SOX5: variants seen among roughly 807,000 people sequenced by gnomAD.
SOX5 encodes the protein SRY-box transcription factor 5.
Under a neutral mutation model 92.0 loss-of-function variants are expected in SOX5, and 9 were observed. That is an observed-to-expected ratio of 0.10 (90% CI 0.06 to 0.17). SOX5 has a LOEUF of 0.17. Among genes scored for constraint, SOX5 ranks in the 10% least tolerant of loss-of-function variants. The probability of loss-of-function intolerance (pLI) is 1.00; values close to 1 mark genes in which losing one functional copy is unlikely to be tolerated. For synonymous variants in SOX5, 344 were observed against 336.3 expected (o/e 1.02, Z -0.25); for missense variants, 642 against 944.5 (o/e 0.68, Z 4.20).
intron 1 of SOX5, among the ~76,000 whole-genome samples, chr12:24,490,614 G>T (rs761312928): frequency 4.6e-5 from 7 of 152,042 alleles, no homozygotes; most frequent in Admixed American, 3.9e-4. Context: ...TACATGGGCA[G>T]CTCACAGTTT....
intron 4 of SOX5, among the ~76,000 whole-genome samples, chr12:24,048,211 C>T (rs186911421): frequency 1.3e-5 from 2 of 152,254 alleles, no homozygotes; most frequent in Admixed American, 6.5e-5. Context: ...TTATAGATGG[C>T]AGAATGAAAT....
rs66878877 is a variant in SOX5, at chr12:24,266,898, CT to C, written c.-77+10317del. 6.2e-3 allele frequency among the ~76,000 whole-genome samples: 946 copies of C among 152,288 alleles called. 9 individuals carry two copies. Among genetic ancestry groups the C allele is most frequent in the African/African-American group, 0.022 (906 of 41,556 alleles). On this transcript the variant is annotated intron_variant, in intron 3 of 4. Coordinates refer to the SOX5 transcript ENST00000446891. ...GGTGATTATCACCTTTGGTGTAATG[CT>C]TTAAAAGGACTTTCAACCCTCCTCC...
At chr12:24,200,139 A>G (rs1274572105) in intron 4 of SOX5, among the ~76,000 whole-genome samples, 4 of 152,198 alleles carry the variant, frequency 2.6e-5, no homozygotes, top group Non-Finnish European at 4.4e-5. Flanking sequence ...CATATGTGTC[A>G]TAAGGCACTA....
chr12:23,743,663 T>C (rs1465853767), intron 4 of SOX5, among the ~76,000 whole-genome samples: 1 of 152,164 alleles, frequency 6.6e-6, no homozygotes, highest in East Asian at 1.9e-4. Flanking sequence ...TTATTTCACC[T>C]CAACATGCGG....
chr12:24,422,364 G>A (rs1223452072), intron 1 of SOX5, among the ~76,000 whole-genome samples: 2 of 152,158 alleles, frequency 1.3e-5, no homozygotes, highest in African/African-American at 4.8e-5. Context: ...AAAAATATGA[G>A]AAGTGATGTT....
chr12:24,017,323 G>T (rs1953744727), intron 4 of SOX5, among the ~76,000 whole-genome samples: 1 of 152,158 alleles, frequency 6.6e-6, no homozygotes, highest in Admixed American at 6.5e-5. Flanking sequence ...AACAGGTTAT[G>T]TGTGGTGGTT....
intron 1 of SOX5, among the ~76,000 whole-genome samples, chr12:24,520,726 T>C (rs1458612938): frequency 1.3e-5 from 2 of 152,016 alleles, no homozygotes; most frequent in African/African-American, 2.4e-5. Flanking sequence ...AAAAATCCAG[T>C]GATATACTCT....
intron 1 of SOX5, among the ~76,000 whole-genome samples, chr12:24,514,752 G>A (rs143162047): frequency 0.025 from 3,745 of 152,270 alleles, 53 homozygotes; most frequent in Middle Eastern, 0.044. Flanking sequence ...ATCCTTTGCA[G>A]GGACATGGAT....
At chr12:23,937,547 A>ATAG (rs1942841051) in intron 1 of SOX5, among the ~76,000 whole-genome samples, 1 of 150,978 alleles carries the variant, frequency 6.6e-6, no homozygotes, top group Non-Finnish European at 1.5e-5. Flanking sequence ...GACATGCACC[A>ATAG]TAGTATTCAG....
At chr12:24,258,746 T>C (rs955406515) in intron 3 of SOX5, among the ~76,000 whole-genome samples, 4 of 152,238 alleles carry the variant, frequency 2.6e-5, no homozygotes, top group African/African-American at 9.6e-5. Flanking sequence ...ACTAGGTGAG[T>C]GCTTTTTAGC....
At chr12:24,180,338 C>T (rs1389487783) in intron 4 of SOX5, among the ~76,000 whole-genome samples, 1 of 152,136 alleles carries the variant, frequency 6.6e-6, no homozygotes, top group African/African-American at 2.4e-5. Flanking sequence ...GGAGACCTTC[C>T]TACTGATGAG....
intron 4 of SOX5, among the ~76,000 whole-genome samples, chr12:24,054,006 G>C (rs1015416101): frequency 2.6e-5 from 4 of 152,186 alleles, no homozygotes; most frequent in Admixed American, 6.5e-5. Context: ...TCTGAGGCCT[G>C]TGTTCTTTCC....
At chr12:23,874,993 C>T (rs1013362147) in intron 2 of SOX5, among the ~76,000 whole-genome samples, 2 of 152,170 alleles carry the variant, frequency 1.3e-5, no homozygotes, top group Non-Finnish European at 2.9e-5. Context: ...TATTTTAGAA[C>T]AGTGAGGAAT....
At position 24,537,322 on chromosome 12, in the gene SOX5, G is replaced by C. The variant is rs553593118; in HGVS notation, c.-251+25007C>G. On this transcript the variant is annotated intron_variant, in intron 1 of 4. Coordinates refer to the SOX5 transcript ENST00000446891. ...CTCTGGATCCTAGCCAAATTTCATA[G>C]CTGCCTAGAGTTTTTAGCTGAGTAT... Among the ~76,000 whole-genome samples, 269 of 152,304 alleles carry C rather than the reference G, an allele frequency of 1.8e-3. 1 individual carries two copies. Among genetic ancestry groups the C allele is most frequent in the African/African-American group, 6.1e-3 (255 of 41,566 alleles).
intron 6 of SOX5, among the ~76,000 whole-genome samples, chr12:23,669,042 T>C (rs902036174): frequency 4.2e-5 from 1 of 24,062 alleles, no homozygotes; most frequent in Admixed American, 6.8e-4. Context: ...TTTCATTACA[T>C]GTCCCTATTT....
chr12:24,479,346 T>C (rs192902803), intron 1 of SOX5, among the ~76,000 whole-genome samples: 7 of 152,354 alleles, frequency 4.6e-5, no homozygotes, highest in Admixed American at 4.6e-4. Flanking sequence ...ATACATGTTT[T>C]ATCTCCTATA....
At chr12:23,765,385 CAAAAAAAA>C (rs373571301) in intron 3 of SOX5, among the ~76,000 whole-genome samples, 7 of 31,430 alleles carry the variant, frequency 2.2e-4, no homozygotes, top group South Asian at 4.9e-3. Flanking sequence ...TGTAAAACAG[CAAAAAAAA>C]AAAAAAAAAA....
At chr12:23,974,910 T>C (rs964086198) in intron 4 of SOX5, among the ~76,000 whole-genome samples, 1 of 151,946 alleles carries the variant, frequency 6.6e-6, no homozygotes, top group African/African-American at 2.4e-5. Context: ...AGGAAGAAAA[T>C]ATTCTAGATA....
At chr12:23,554,454 A>G (rs1944764097) in intron 11 of SOX5, among the ~76,000 whole-genome samples, 1 of 152,140 alleles carries the variant, frequency 6.6e-6, no homozygotes, top group South Asian at 2.1e-4. Context: ...TTCCCTCTCC[A>G]TATTCCGTTA....
Sources: gnomAD v4.1 joint callset for allele counts (sites outside exome capture counted in the v4.1 genomes callset) on GRCh38, gnomAD v4.1.1 for gene constraint, MANE v1.5 for transcripts, NCBI Gene and HGNC (gene_info 2026-07-23, HGNC 2026-07-21) for gene names.